FOSL2: variants seen among roughly 807,000 people sequenced by gnomAD.
FOSL2 encodes FOS like 2, AP-1 transcription factor subunit.
In FOSL2, 3 loss-of-function variants were observed where a neutral mutation model predicts 27.7. The observed-to-expected ratio is 0.11, with a 90% CI of 0.05 to 0.28. The LOEUF is 0.28. Ranked by LOEUF, FOSL2 falls within the 10% of genes least tolerant of loss-of-function variation. The pLI is 1.00. For synonymous variants in FOSL2, 179 were observed against 190.1 expected, an observed-to-expected ratio of 0.94 and a Z score of 0.48; for missense variants, 333 against 445.1, an observed-to-expected ratio of 0.75 and a Z score of 2.27.
Position 28,393,452 on chromosome 2 carries a change from T to G in FOSL2, c.-269T>G. 2 of 406,008 alleles carry G rather than the reference T, an allele frequency of 4.9e-6. No individual in the cohort carries two copies. Among genetic ancestry groups the G allele is most frequent in the Non-Finnish European group, 8.8e-6 (2 of 226,224 alleles). The allele number at this position is 406,008 out of a possible 1,614,324, so 25.2% of individuals were successfully genotyped here. On this transcript the variant is annotated 5_prime_UTR_variant, in exon 1 of 4. Coordinates refer to ENST00000264716, the MANE Select transcript of FOSL2 (RefSeq NM_005253.4). The surrounding 1 kb of genome is among the most constrained non-coding windows in gnomAD (Gnocchi z 4.6). The stretch of plus-strand genomic sequence containing the variant: ...GAGGGACCGAGAGACGCGCCGACTT[T>G]TTAGAGGGAGGGATCGGGTGGACAA...
intron 3 of FOSL2, chr2:28,410,642 A>AG: frequency 3.7e-6 from 2 of 547,194 alleles, no homozygotes; most frequent in Non-Finnish European, 2.3e-6. Context: ...GGTGACACAC[A>AG]CCTCTTCCCC....
rs535999189 is a variant in FOSL2 at position 28,410,519 on chromosome 2, C to T, written c.463-1411C>T. 592 of 984,980 alleles carry T rather than the reference C, an allele frequency of 6.0e-4. No homozygotes were observed. The South Asian group carries it at 8.8e-3, about 15-fold the overall frequency. 61.0% of individuals were successfully genotyped at this position (984,980 alleles called of 1,614,324 possible). A position where few individuals can be genotyped will look rare whatever the true frequency, so the allele number is the denominator to read the frequency against. The stretch of plus-strand genomic sequence containing the variant: ...ACGTTCGTCAGACCCTTGAGACAGA[C>T]GGAAACTGTTTTTCACTCCGGAATA... On this transcript the variant is annotated intron_variant, in intron 3 of 3. Coordinates refer to ENST00000264716, the MANE Select transcript of FOSL2 (RefSeq NM_005253.4).
intron 1 of FOSL2, among the ~76,000 whole-genome samples, chr2:28,398,605 C>CTTTCCTTCCCTGCT (rs1289454620): frequency 1.3e-5 from 2 of 152,264 alleles, no homozygotes. Context: ...CTTTCTGTTT[C>CTTTCCTTCCCTGCT]TTTCCTTCCC....
intron 1 of FOSL2, among the ~76,000 whole-genome samples, chr2:28,401,003 C>T (rs1663960191): frequency 1.3e-5 from 2 of 152,130 alleles, no homozygotes; most frequent in African/African-American, 4.8e-5. Context: ...TCATATCAAA[C>T]CATTGTGCTG....
In FOSL2 at chr2:28,396,789, G is replaced by GACACACACACACACACACACACACAC. The variant is rs60104109; in HGVS notation, c.102+2991_102+3016dup. 6 of 112,282 alleles carry GACACACACACACACACACACACACAC rather than the reference G, an allele frequency of 5.3e-5. No homozygotes were observed. The East Asian group carries it at 8.8e-4, about 16-fold the overall frequency. The allele number at this position is 112,282 out of a possible 1,614,324, so 7.0% of individuals were successfully genotyped here. A position where few individuals can be genotyped will look rare whatever the true frequency, so the allele number is the denominator to read the frequency against. On this transcript the variant is annotated intron_variant, in intron 1 of 3. Transcript: ENST00000264716. The stretch of plus-strand genomic sequence containing the variant: ...TTCTTCCTCAACCACCCCTTCCCAA[G>GACACACACACACACACACACACACAC]ACACACACACACACACACACACACA...
chr2:28,397,272 A>G (rs984603962), intron 1 of FOSL2, among the ~76,000 whole-genome samples: 3 of 152,134 alleles, frequency 2.0e-5, no homozygotes, highest in African/African-American at 7.2e-5. Flanking sequence ...ATGTCTGTCT[A>G]TTCATTAGGT....
intron 1 of FOSL2, chr2:28,394,772 C>T (rs1217373490): frequency 1.3e-5 from 2 of 152,332 alleles, no homozygotes; most frequent in African/African-American, 4.8e-5. Flanking sequence ...GCAGCTCCCC[C>T]ACCCGCTCTG....
intron 3 of FOSL2, among the ~76,000 whole-genome samples, chr2:28,409,390 C>A (rs1280239177): frequency 6.6e-6 from 1 of 152,176 alleles, no homozygotes; most frequent in African/African-American, 2.4e-5. Context: ...TTTCTCATTT[C>A]CTTTATGGGC....
At chr2:28,394,562 C>CCGGCAGAGGGAAGAGA (rs1490104908) in intron 1 of FOSL2, 19 of 152,568 alleles carry the variant, frequency 1.2e-4, no homozygotes, top group African/African-American at 4.6e-4. Flanking sequence ...AGCAAGGAGA[C>CCGGCAGAGGGAAGAGA]CGGCAGAGGG....
intron 1 of FOSL2, among the ~76,000 whole-genome samples, chr2:28,401,867 A>T (rs961740652): frequency 2.0e-5 from 3 of 152,130 alleles, no homozygotes; most frequent in Non-Finnish European, 4.4e-5. Context: ...ACGGGATCCC[A>T]GAATCCATTG....
chr2:28,411,398 C>G (rs1308775095), intron 3 of FOSL2, among the ~76,000 whole-genome samples: 1 of 152,060 alleles, frequency 6.6e-6, no homozygotes, highest in Non-Finnish European at 1.5e-5. Flanking sequence ...GTGTTCCGTA[C>G]CCCCTTCTCC....
chr2:28,392,907 G>GCGAA lies in FOSL2; in HGVS notation c.-811_-810insACGA, dbSNP rs1663701840. On this transcript the variant is annotated 5_prime_UTR_variant, in exon 1 of 4. Transcript: ENST00000264716. ...GCTAGGGCTCCGAGCGAACCAGCGA[G>GCGAA]CGAGCGAACGAGCGGCGCTCGGCGG... 1 of 714,288 alleles carries GCGAA rather than the reference G, an allele frequency of 1.4e-6. No homozygotes were observed. Among genetic ancestry groups the GCGAA allele is most frequent in the South Asian group, 1.5e-5 (1 of 67,428 alleles). The allele number at this position is 714,288 out of a possible 1,614,324, so 44.2% of individuals were successfully genotyped here.
chr2:28,413,201 G>A lies in FOSL2; in HGVS notation c.*753G>A, dbSNP rs1572497985. On this transcript the variant is annotated 3_prime_UTR_variant, in exon 4 of 4. Transcript: ENST00000264716. ...GAACGGCTTGGCCAGAAGACAGGGT[G>A]TGAGTGAGACAGTGGGGCACAGGTT... 1 of 300,984 alleles carries A rather than the reference G, an allele frequency of 3.3e-6. No homozygotes were observed. Among genetic ancestry groups the A allele is most frequent in the Non-Finnish European group, 6.1e-6 (1 of 164,160 alleles). The allele number at this position is 300,984 out of a possible 1,614,324, so 18.6% of individuals were successfully genotyped here.
chr2:28,412,591 G>C lies in FOSL2; in HGVS notation c.*143G>C. On this transcript the variant is annotated 3_prime_UTR_variant, in exon 4 of 4. Transcript: ENST00000264716. The surrounding 1 kb of genome is among the most constrained non-coding windows in gnomAD (Gnocchi z 7.1). ...AGCTTCCTGGCTCTGGGGGACCCAG[G>C]TGGGACTTAGCAGTGAGTATTGGAA... The C allele has an allele frequency of 1.1e-6, 1 of 903,174 alleles. No individual in the cohort carries two copies. Among genetic ancestry groups the C allele is most frequent in the Non-Finnish European group, 1.6e-6 (1 of 607,334 alleles). 55.9% of individuals were successfully genotyped at this position (903,174 alleles called of 1,614,324 possible).
chr2:28,399,342 G>T (rs144435229), intron 1 of FOSL2, among the ~76,000 whole-genome samples: 2,931 of 152,232 alleles, frequency 0.019, 53 homozygotes, highest in South Asian at 0.065. Context: ...ATACCTGTCA[G>T]CAAAAAGCCA....
chr2:28,404,500 C>T lies in FOSL2; in HGVS notation c.354+142C>T. 1 of 1,058,410 alleles carries T rather than the reference C, an allele frequency of 9.4e-7. No individual in the cohort carries two copies. The highest frequency in any genetic ancestry group is 1.3e-6 in the Non-Finnish European group (1 of 742,832). The allele number at this position is 1,058,410 out of a possible 1,614,324, so 65.6% of individuals were successfully genotyped here. Reference sequence around the variant, plus strand: ...AGCTAGGGGTCGAAGAGCACGTCATCCCCCTTACTGGAGGCCGAGCTGGAG... The same window carrying T: ...AGCTAGGGGTCGAAGAGCACGTCATTCCCCTTACTGGAGGCCGAGCTGGAG... On this transcript the variant is annotated intron_variant, in intron 2 of 3. Coordinates refer to ENST00000264716, the MANE Select transcript of FOSL2 (RefSeq NM_005253.4). The surrounding 1 kb of genome is among the most constrained non-coding windows in gnomAD (Gnocchi z 4.7).
At chr2:28,407,744 G>C (rs1194119901) in intron 2 of FOSL2, among the ~76,000 whole-genome samples, 1 of 152,226 alleles carries the variant, frequency 6.6e-6, no homozygotes, top group African/African-American at 2.4e-5. Context: ...TTCCCTTTGT[G>C]TTGCTTTCTG....
Position 28,404,815 on chromosome 2 carries a change from C to G in FOSL2, c.354+457C>G, listed in dbSNP as rs1440259894. On this transcript the variant is annotated intron_variant, in intron 2 of 3. Coordinates refer to ENST00000264716, the MANE Select transcript of FOSL2 (RefSeq NM_005253.4). This position sits in a 1 kb window ranked among gnomAD's most constrained non-coding sequence, Gnocchi z 4.7. ...CACCCAGCAGACCTACGGGGTCAAG[C>G]TCTGGGTCGGTACTGCCCACGACTT... 6.6e-6 allele frequency among the ~76,000 whole-genome samples: 1 copy of G among 152,174 alleles called. No homozygotes were observed. The highest frequency in any genetic ancestry group is 1.5e-5 in the Non-Finnish European group (1 of 68,014).
intron 1 of FOSL2, among the ~76,000 whole-genome samples, chr2:28,394,150 CA>C (rs1341930391): frequency 0.012 from 1,105 of 94,824 alleles, 59 homozygotes; most frequent in African/African-American, 0.03. Flanking sequence ...CCCCCCCCCC[CA>C]CCCCTGCCCC....
Sources: gnomAD v4.1 joint callset for allele counts (sites outside exome capture counted in the v4.1 genomes callset) on GRCh38, gnomAD v4.1.1 for gene constraint, Gnocchi (gnomAD v3.1) non-coding constraint, MANE v1.5 for transcripts, NCBI Gene and HGNC (gene_info 2026-07-23, HGNC 2026-07-21) for gene names.